Variants in BABAM2 observed in about 807,000 individuals in gnomAD.
BABAM2 encodes BRISC and BRCA1 A complex member 2.
Under a neutral mutation model 54.7 loss-of-function variants are expected in BABAM2, and 31 were observed. The ratio of observed to expected loss-of-function variants is 0.57; its 90% CI spans 0.43 to 0.77. The LOEUF is 0.77. Among genes scored for constraint, BABAM2 ranks in the 30% least tolerant of loss-of-function variants. The pLI is 0.00. For missense variants in BABAM2, 364 were observed against 455.8 expected (o/e 0.80, Z 1.83); for synonymous variants, 167 against 162.9 (o/e 1.03, Z -0.19).
chr2:28,278,753 G>C (rs1445565447), intron 10 of BABAM2, among the ~76,000 whole-genome samples: 1 of 152,158 alleles, frequency 6.6e-6, no homozygotes, highest in Non-Finnish European at 1.5e-5. Flanking sequence ...GAAGATTCCT[G>C]ATGGAGACCA....
intron 1 of BABAM2, among the ~76,000 whole-genome samples, chr2:27,892,869 G>A (rs1664977347): frequency 6.6e-6 from 1 of 152,094 alleles, no homozygotes; most frequent in African/African-American, 2.4e-5. Context: ...TTTACAAAAA[G>A]GATGATTTTA....
chr2:28,062,390 C>T (rs980731300), intron 6 of BABAM2, among the ~76,000 whole-genome samples: 4 of 151,638 alleles, frequency 2.6e-5, no homozygotes, highest in African/African-American at 4.8e-5. Context: ...TGGTGAAACC[C>T]GGTCTCTACT....
intron 6 of BABAM2, among the ~76,000 whole-genome samples, chr2:28,116,856 G>GA (rs1320097144): frequency 3.3e-5 from 5 of 151,778 alleles, no homozygotes; most frequent in African/African-American, 4.8e-5. Flanking sequence ...ATGTCATATG[G>GA]AAAAAAAATG....
At chr2:27,931,870 C>T (rs893892938) in intron 3 of BABAM2, among the ~76,000 whole-genome samples, 6 of 152,074 alleles carry the variant, frequency 3.9e-5, no homozygotes, top group African/African-American at 7.2e-5. Context: ...CCTCTTCCTT[C>T]ACCTCCCAGC....
intron 4 of BABAM2, among the ~76,000 whole-genome samples, chr2:28,017,204 T>A (rs1460977865): frequency 6.6e-6 from 1 of 152,246 alleles, no homozygotes; most frequent in Non-Finnish European, 1.5e-5. Flanking sequence ...AAATGTACGG[T>A]GTAAACACTT....
chr2:28,236,780 A>T (rs967482252), intron 7 of BABAM2, among the ~76,000 whole-genome samples: 1 of 152,244 alleles, frequency 6.6e-6, no homozygotes, highest in Non-Finnish European at 1.5e-5. Flanking sequence ...GAAATACAAG[A>T]TAATGGCCGA....
intron 5 of BABAM2, among the ~76,000 whole-genome samples, chr2:28,040,153 C>G (rs78689555): frequency 0.014 from 2,085 of 152,160 alleles, 54 homozygotes; most frequent in African/African-American, 0.047. Flanking sequence ...AAGGATTTTT[C>G]ACTTGTTTTG....
intron 6 of BABAM2, among the ~76,000 whole-genome samples, chr2:28,112,121 C>CTTTCT (rs1668094538): frequency 7.6e-5 from 1 of 13,080 alleles, no homozygotes; most frequent in African/African-American, 3.4e-4. Context: ...TTCTTTCTTT[C>CTTTCT]TTTCTTTCTT....
chr2:27,967,366 C>G (rs1670904889), intron 3 of BABAM2, among the ~76,000 whole-genome samples: 1 of 152,194 alleles, frequency 6.6e-6, no homozygotes, highest in African/African-American at 2.4e-5. Flanking sequence ...TTTCCTGCTG[C>G]TATCCATTGT....
chr2:28,012,286 T>C (rs1358156610), intron 4 of BABAM2, among the ~76,000 whole-genome samples: 2 of 152,234 alleles, frequency 1.3e-5, no homozygotes, highest in African/African-American at 4.8e-5. Flanking sequence ...TAATTCCCTT[T>C]CTGCCATTGC....
chr2:28,294,413 T>G (rs1020637344), intron 10 of BABAM2, among the ~76,000 whole-genome samples: 90 of 151,950 alleles, frequency 5.9e-4, no homozygotes, highest in African/African-American at 2.0e-3. Context: ...AGCAAATGGT[T>G]AAAGTGTTCA....
At chr2:27,890,178 C>CA, upstream of BABAM2, 1 of 1,414,862 alleles carries the variant, frequency 7.1e-7, no homozygotes, top group Non-Finnish European at 9.9e-7. This position sits in a 1 kb window ranked among gnomAD's most constrained non-coding sequence, Gnocchi z 4.8. Context: ...ACCCAGCGCC[C>CA]AAAAGCTCCA....
At chr2:27,988,756 C>T (rs1232761537) in intron 4 of BABAM2, among the ~76,000 whole-genome samples, 2 of 152,152 alleles carry the variant, frequency 1.3e-5, no homozygotes, top group Non-Finnish European at 2.9e-5. Context: ...GAGAAAAACA[C>T]ATGCCATTTT....
At chr2:28,308,478 C>T (rs1558518784) in intron 11 of BABAM2, 1 of 529,270 alleles carries the variant, frequency 1.9e-6, no homozygotes, top group African/African-American at 1.9e-5. Flanking sequence ...AGCCAACAAG[C>T]ACCAGATCAA....
intron 6 of BABAM2, among the ~76,000 whole-genome samples, chr2:28,064,968 A>T (rs1042894101): frequency 2.0e-5 from 3 of 150,728 alleles, no homozygotes; most frequent in Non-Finnish European, 4.4e-5. Flanking sequence ...GTGCCACTGC[A>T]CTCCAGCCTG....
Position 28,244,765 on chromosome 2 carries a change from G to A in BABAM2, c.852-15G>A. On this transcript the variant is annotated splice_polypyrimidine_tract_variant and intron_variant, in intron 9 of 11. Coordinates refer to ENST00000379624, the MANE Select transcript of BABAM2 (RefSeq NM_199191.3). Reference sequence around the variant, plus strand: ...GGGTTTTTTTTGTTTGTGTGTGTATGTTTTTATTACTTAGAGGTGTCGTGG... The same window carrying A: ...GGGTTTTTTTTGTTTGTGTGTGTATATTTTTATTACTTAGAGGTGTCGTGG... 3 of 1,608,040 alleles carry A rather than the reference G, an allele frequency of 1.9e-6. No homozygotes were observed. The highest frequency in any genetic ancestry group is 2.5e-6 in the Non-Finnish European group (3 of 1,176,612).
chr2:28,013,525 C>A, intron 4 of BABAM2: 1 of 402,408 alleles, frequency 2.5e-6, no homozygotes, highest in Non-Finnish European at 4.9e-6. Flanking sequence ...GCATTTTGCC[C>A]AAGACATATG....
intron 10 of BABAM2, among the ~76,000 whole-genome samples, chr2:28,287,925 T>C (rs1686960264): frequency 6.6e-6 from 1 of 152,010 alleles, no homozygotes; most frequent in African/African-American, 2.4e-5. Flanking sequence ...ACTCAGTGTG[T>C]GATGGATGAG....
At chr2:27,966,075 T>G (rs1333628166) in intron 3 of BABAM2, among the ~76,000 whole-genome samples, 2 of 152,188 alleles carry the variant, frequency 1.3e-5, no homozygotes, top group African/African-American at 4.8e-5. Flanking sequence ...TTTTGTTTTG[T>G]TTTGGTTTTG....
Sources: allele counts gnomAD v4.1 joint callset (sites outside exome capture counted in the v4.1 genomes callset), GRCh38; gene constraint gnomAD v4.1.1; non-coding constraint Gnocchi (gnomAD v3.1); transcripts MANE v1.5; gene names NCBI Gene and HGNC (gene_info 2026-07-23, HGNC 2026-07-21).